FXR1: variants seen among roughly 807,000 people sequenced by gnomAD.
The protein encoded by FXR1 is RNA-binding protein FXR1.
Under a neutral mutation model 84.0 loss-of-function variants are expected in FXR1, and 15 were observed. The observed-to-expected ratio is 0.18, with a 90% CI of 0.12 to 0.27. FXR1 has a LOEUF of 0.27. Among genes scored for constraint, FXR1 ranks in the 10% least tolerant of loss-of-function variants. The pLI is 1.00. For synonymous variants in FXR1, 245 were observed against 250.7 expected, an observed-to-expected ratio of 0.98 and a Z score of 0.21; for missense variants, 480 against 774.4, an observed-to-expected ratio of 0.62 and a Z score of 4.51.
At position 180,947,974 on chromosome 3, in the gene FXR1, A is replaced by G. The variant is rs748070428; in HGVS notation, c.270+38A>G. 4 of 1,191,962 alleles carry G rather than the reference A, an allele frequency of 3.4e-6. No homozygotes were observed. In the South Asian group the frequency reaches 5.2e-5, roughly 15 times the overall value. The allele number at this position is 1,191,962 out of a possible 1,614,324, so 73.8% of individuals were successfully genotyped here. On this transcript the variant is annotated intron_variant, in intron 4 of 16. Transcript: ENST00000357559. Reference sequence around the variant, plus strand: ...CACACTTGCTTTGTGACTAGTTTCTAAGGAAGTACCTCAGTGCTTGGTTTT... The same window carrying G: ...CACACTTGCTTTGTGACTAGTTTCTGAGGAAGTACCTCAGTGCTTGGTTTT...
intron 1 of FXR1, chr3:180,915,453 G>T (rs1355966750): frequency 1.5e-6 from 2 of 1,302,166 alleles, no homozygotes; most frequent in Admixed American, 4.0e-5. Flanking sequence ...TTTGAGTCCG[G>T]CTTCCATTTA....
Position 180,982,410 on chromosome 3 carries a change from TCTTCTA to T in FXR1, c.*6122_*6127del, listed in dbSNP as rs1165513948. ...TAATAGCCTTCAATGAAACACGGATTCTTCTACTTAAAAAAGGTAAGCCTGGAGAAA... is the reference window on the plus strand; with the variant it reads ...TAATAGCCTTCAATGAAACACGGATTCTTAAAAAAGGTAAGCCTGGAGAAA... On this transcript the variant is annotated 3_prime_UTR_variant, in exon 17 of 17. Coordinates refer to ENST00000357559, the MANE Select transcript of FXR1 (RefSeq NM_005087.4). The T allele has an allele frequency of 6.6e-6, 1 of 152,090 alleles. No homozygotes were observed. Among genetic ancestry groups the T allele is most frequent in the African/African-American group, 2.4e-5 (1 of 41,426 alleles). The allele number at this position is 152,090 out of a possible 1,614,324, so 9.4% of individuals were successfully genotyped here.
chr3:180,970,383 A>AATATATATATATAT lies in FXR1; in HGVS notation c.1603+51_1603+64dup, dbSNP rs56345724. On this transcript the variant is annotated intron_variant, in intron 15 of 16. Transcript: ENST00000357559. The stretch of plus-strand genomic sequence containing the variant: ...GGTATGTAAGCACTTAGGGAAGAGA[A>AATATATATATATAT]ATATATATATATATATATATATATA... 458 of 368,160 alleles carry AATATATATATATAT rather than the reference A, an allele frequency of 1.2e-3. 6 individuals carry two copies. Among genetic ancestry groups the AATATATATATATAT allele is most frequent in the African/African-American group, 4.8e-3 (157 of 32,996 alleles). The allele number at this position is 368,160 out of a possible 1,614,324, so 22.8% of individuals were successfully genotyped here.
intron 15 of FXR1, among the ~76,000 whole-genome samples, chr3:180,972,270 T>TC (rs1405847405): frequency 2.6e-5 from 4 of 152,098 alleles, no homozygotes; most frequent in Non-Finnish European, 5.9e-5. Flanking sequence ...TGAGACCAGC[T>TC]TGGGCAGTGG....
intron 8 of FXR1, among the ~76,000 whole-genome samples, chr3:180,952,547 A>AG (rs1722331720): frequency 6.6e-6 from 1 of 151,574 alleles, no homozygotes; most frequent in Non-Finnish European, 1.5e-5. Context: ...ACAGAGAGCA[A>AG]GGTCCTGTCT....
intron 1 of FXR1, among the ~76,000 whole-genome samples, chr3:180,917,974 A>G (rs1576883086): frequency 6.7e-6 from 1 of 149,662 alleles, no homozygotes; most frequent in Admixed American, 6.7e-5. Context: ...AAAAAAGTCA[A>G]TTTAAATGCA....
At chr3:180,952,828 CTT>C (rs371547296) in intron 8 of FXR1, among the ~76,000 whole-genome samples, 25,961 of 121,176 alleles carry the variant, frequency 0.21, 2,440 homozygotes, top group African/African-American at 0.25. Context: ...ATTTTATTTG[CTT>C]TTTTTTTTTT....
chr3:180,935,642 C>T lies in FXR1; in HGVS notation c.198+411C>T, dbSNP rs538756078. ...TACTATAGTGATCATTAACAGAGTT[C>T]ATATGTAACAACGTGAAATATTGTA... is the stretch of plus-strand genomic sequence containing the variant. On this transcript the variant is annotated intron_variant, in intron 3 of 16. Transcript: ENST00000357559. 1.4e-4 allele frequency among the ~76,000 whole-genome samples: 22 copies of T among 152,234 alleles called. 1 individual carries two copies. The highest frequency in any genetic ancestry group is 1.3e-3 in the Admixed American group (20 of 15,290).
At chr3:180,927,673 A>T (rs1719388762) in intron 1 of FXR1, 2 of 530,446 alleles carry the variant, frequency 3.8e-6, no homozygotes, top group African/African-American at 2.0e-5. Flanking sequence ...GTCTAAAAAA[A>T]AATGAGTAGA....
At chr3:180,955,011 T>C (rs949544828) in intron 9 of FXR1, among the ~76,000 whole-genome samples, 12 of 146,064 alleles carry the variant, frequency 8.2e-5, no homozygotes, top group African/African-American at 2.8e-4. Flanking sequence ...TTTTTGGAGA[T>C]GGAGTCTTGC....
chr3:180,940,188 G>A (rs1720965765), intron 3 of FXR1, among the ~76,000 whole-genome samples: 1 of 152,184 alleles, frequency 6.6e-6, no homozygotes, highest in Non-Finnish European at 1.5e-5. Context: ...TACCTAATTA[G>A]TGGTTTTTTA....
chr3:180,971,715 TTAA>T (rs1215613845), intron 15 of FXR1: 8 of 147,176 alleles, frequency 5.4e-5, no homozygotes, highest in Non-Finnish European at 3.1e-5. Context: ...ACTATTCAAA[TTAA>T]TAATACTTAC....
At chr3:180,940,485 T>A (rs1720995829) in intron 3 of FXR1, among the ~76,000 whole-genome samples, 1 of 152,212 alleles carries the variant, frequency 6.6e-6, no homozygotes, top group Admixed American at 6.5e-5. Flanking sequence ...ATATCTGCCT[T>A]GCTCAGCAAG....
In FXR1 at chr3:180,953,771, G is replaced by C. The variant is rs1026386803; in HGVS notation, c.811G>C (p.Ala271Pro). ...TTCCCCTCATCTACAGAGTGCTGAT[G>C]CTGTAAAAAAGGCTAGAGGTTTCTT... The part of the protein sequence containing the change: ...TFRIYGESAD[A>P]VKKARGFLEF... The change falls in exon 9 of 17, where the codon GCT becomes CCT. Residue 271 changes from alanine (A) to proline (P), a missense_variant. Ala to Pro is a conservative substitution (Grantham distance 27). This residue lies in a region of FXR1 where 136 missense variants were observed against 315.4 expected (regional missense o/e 0.43). Transcript: ENST00000357559. 5.1e-6 allele frequency: 8 copies of C among 1,558,548 alleles called. No homozygotes were observed. The highest frequency in any genetic ancestry group is 1.7e-5 in the Admixed American group (1 of 59,384).
At chr3:180,961,259 G>C (rs1171910823) in intron 10 of FXR1, among the ~76,000 whole-genome samples, 3 of 145,486 alleles carry the variant, frequency 2.1e-5, no homozygotes, top group Non-Finnish European at 4.5e-5. Flanking sequence ...AGAATCACTT[G>C]AGCCCAGGAG....
chr3:180,954,917 C>CA (rs1200553080), intron 9 of FXR1, among the ~76,000 whole-genome samples: 48 of 105,986 alleles, frequency 4.5e-4, no homozygotes, highest in Non-Finnish European at 7.3e-4. Context: ...GTAGTATATT[C>CA]AGGAAAAGTA....
At chr3:180,971,191 C>T in intron 15 of FXR1, 1 of 789,244 alleles carries the variant, frequency 1.3e-6, no homozygotes, top group Non-Finnish European at 1.7e-6. Flanking sequence ...CATCAGGTCA[C>T]AAGCATGAAA....
chr3:180,941,911 G>T (rs545585227), intron 3 of FXR1, among the ~76,000 whole-genome samples: 2 of 152,156 alleles, frequency 1.3e-5, no homozygotes, highest in East Asian at 3.9e-4. Flanking sequence ...ATACATAATA[G>T]CAGTACTCAA....
At chr3:180,946,711 C>G (rs1228471402) in intron 3 of FXR1, among the ~76,000 whole-genome samples, 1 of 152,124 alleles carries the variant, frequency 6.6e-6, no homozygotes. Context: ...CCTACCACTT[C>G]CAAGATTACT....
Sources: gnomAD v4.1 joint callset for allele counts (sites outside exome capture counted in the v4.1 genomes callset) on GRCh38, gnomAD v4.1.1 for gene constraint, gnomAD v4.1.1 regional missense constraint, MANE v1.5 for transcripts, NCBI Gene and HGNC (gene_info 2026-07-23, HGNC 2026-07-21) for gene names.